PTPRN2: variants seen among roughly 807,000 people sequenced by gnomAD.
The protein encoded by PTPRN2 is protein tyrosine phosphatase receptor type N2.
PTPRN2 carries 74 observed loss-of-function variants against 118.8 expected under a neutral mutation model. The ratio of observed to expected loss-of-function variants is 0.62; its 90% confidence interval spans 0.52 to 0.76. The LOEUF is 0.76. Ranked by LOEUF, PTPRN2 falls within the 30% of genes least tolerant of loss-of-function variation. PTPRN2 has a pLI of 0.00. For missense variants in PTPRN2, 1,481 were observed against 1,394.4 expected (o/e 1.06, Z -0.99); for synonymous variants, 641 against 608.0 (o/e 1.05, Z -0.80).
At chr7:158,355,346 C>T (rs987457246) in intron 2 of PTPRN2, among the ~76,000 whole-genome samples, 1 of 152,224 alleles carries the variant, frequency 6.6e-6, no homozygotes, top group African/African-American at 2.4e-5. Flanking sequence ...GGATCCTTTC[C>T]AATCAAATGT....
At chr7:157,935,710 A>G (rs1339543136) in intron 11 of PTPRN2, among the ~76,000 whole-genome samples, 1 of 152,242 alleles carries the variant, frequency 6.6e-6, no homozygotes, top group Non-Finnish European at 1.5e-5. Flanking sequence ...GGTACATCAC[A>G]GGAACCTGGT....
intron 1 of PTPRN2, among the ~76,000 whole-genome samples, chr7:158,491,781 C>T (rs781348794): frequency 1.3e-5 from 2 of 152,200 alleles, no homozygotes; most frequent in African/African-American, 2.4e-5. Context: ...TGAGCCACCG[C>T]GCCTGGCCAG....
At chr7:158,483,867 A>C (rs1481139638) in intron 2 of PTPRN2, among the ~76,000 whole-genome samples, 1 of 152,166 alleles carries the variant, frequency 6.6e-6, no homozygotes, top group African/African-American at 2.4e-5. Context: ...GCCGGGCGCA[A>C]TGGCTCATGC....
At chr7:157,586,644 G>A (rs1478689489) in intron 17 of PTPRN2, among the ~76,000 whole-genome samples, 2 of 150,776 alleles carry the variant, frequency 1.3e-5, no homozygotes, top group African/African-American at 2.4e-5. Flanking sequence ...GCTGCTGGAC[G>A]CCACGTCTGT....
intron 12 of PTPRN2, among the ~76,000 whole-genome samples, chr7:157,765,363 T>C (rs922840604): frequency 1.4e-5 from 2 of 148,000 alleles, no homozygotes; most frequent in South Asian, 2.2e-4. Context: ...CTTTCACCCA[T>C]CCATCATCCA....
intron 11 of PTPRN2, among the ~76,000 whole-genome samples, chr7:158,060,727 C>T (rs1336033398): frequency 6.6e-6 from 1 of 152,214 alleles, no homozygotes; most frequent in Non-Finnish European, 1.5e-5. Flanking sequence ...CACCAGGCAG[C>T]CTGCTAGAGA....
intron 14 of PTPRN2, among the ~76,000 whole-genome samples, chr7:157,640,229 G>A (rs1393778497): frequency 6.6e-6 from 1 of 152,160 alleles, no homozygotes; most frequent in African/African-American, 2.4e-5. Context: ...AACCCAGCAG[G>A]TTGATCTGAA....
At chr7:158,179,846 T>C (rs1022666866) in intron 5 of PTPRN2, among the ~76,000 whole-genome samples, 2 of 152,210 alleles carry the variant, frequency 1.3e-5, no homozygotes, top group Admixed American at 6.5e-5. Flanking sequence ...ACTGCCCCTT[T>C]CCATGGCAAT....
chr7:157,913,992 G>A (rs931624808), intron 11 of PTPRN2, among the ~76,000 whole-genome samples: 3 of 152,140 alleles, frequency 2.0e-5, no homozygotes, highest in Admixed American at 1.3e-4. Flanking sequence ...TGGCTACAGG[G>A]CTATTGGAGT....
chr7:158,497,949 C>T (rs1404712002), intron 1 of PTPRN2, among the ~76,000 whole-genome samples: 1 of 152,254 alleles, frequency 6.6e-6, no homozygotes. Context: ...CACACACAAA[C>T]ATGGATGAGT....
At chr7:158,253,559 G>A (rs923772691) in intron 3 of PTPRN2, among the ~76,000 whole-genome samples, 32 of 152,214 alleles carry the variant, frequency 2.1e-4, no homozygotes, top group African/African-American at 4.6e-4. Flanking sequence ...CCAGACTCCC[G>A]AAACCCAGGC....
intron 6 of PTPRN2, among the ~76,000 whole-genome samples, chr7:158,152,308 T>C (rs1043858657): frequency 4.0e-5 from 6 of 151,840 alleles, no homozygotes; most frequent in African/African-American, 1.2e-4. Flanking sequence ...GAAAGCCTCA[T>C]TGAGAAGGTG....
intron 2 of PTPRN2, among the ~76,000 whole-genome samples, chr7:158,341,386 C>T (rs1300114689): frequency 1.3e-5 from 2 of 150,474 alleles, no homozygotes; most frequent in African/African-American, 4.9e-5. Flanking sequence ...CACACCCACA[C>T]TCTCACCATA....
At chr7:158,140,394 G>C (rs1368818069) in intron 6 of PTPRN2, among the ~76,000 whole-genome samples, 1 of 152,206 alleles carries the variant, frequency 6.6e-6, no homozygotes, top group Non-Finnish European at 1.5e-5. Flanking sequence ...GTAACCATGA[G>C]AGTTAAATGA....
chr7:157,823,686 GT>G (rs769869671), intron 12 of PTPRN2, among the ~76,000 whole-genome samples: 1 of 152,206 alleles, frequency 6.6e-6, no homozygotes, highest in Non-Finnish European at 1.5e-5. Flanking sequence ...GACTGGTGAA[GT>G]TTTCAGATTT....
chr7:158,146,241 G>A (rs957048440), intron 6 of PTPRN2, among the ~76,000 whole-genome samples: 10 of 152,062 alleles, frequency 6.6e-5, no homozygotes, highest in Non-Finnish European at 1.3e-4. Flanking sequence ...TCAAGATTAT[G>A]CATTTTGAAA....
intron 11 of PTPRN2, among the ~76,000 whole-genome samples, chr7:157,997,860 TG>T (rs1804879020): frequency 1.8e-5 from 1 of 56,676 alleles, no homozygotes; most frequent in Admixed American, 2.2e-4. Flanking sequence ...AGTGCAGGGC[TG>T]GGGGAGAGTA....
rs139159400 is a variant in PTPRN2 at position 158,413,534 on chromosome 7, G to A, written c.163+76201C>T. Among the ~76,000 whole-genome samples, 12 of 152,336 alleles carry A rather than the reference G, an allele frequency of 7.9e-5. No individual in the cohort carries two copies. In the East Asian group the frequency reaches 2.3e-3, roughly 29 times the overall value. The stretch of plus-strand genomic sequence containing the variant: ...TGACTAACACAGATGAGGATCTCTT[G>A]TCCTTAACCTTTTCCGACTCCCCTC... On this transcript the variant is annotated intron_variant, in intron 2 of 22. Transcript: ENST00000389418.
At chr7:157,621,190 TG>T (rs796570523) in intron 15 of PTPRN2, among the ~76,000 whole-genome samples, 171 bp downstream of exon 15, 8,256 of 21,412 alleles carry the variant, frequency 0.39, 543 homozygotes, top group Non-Finnish European at 0.41. Flanking sequence ...TAGTTTCCAC[TG>T]CCTGTAACCC....
Sources: gnomAD v4.1 joint callset for allele counts (sites outside exome capture counted in the v4.1 genomes callset) on GRCh38, gnomAD v4.1.1 for gene constraint, MANE v1.5 for transcripts, NCBI Gene and HGNC (gene_info 2026-07-23, HGNC 2026-07-21) for gene names.